Variants in PANK2 observed in about 807,000 individuals in gnomAD.
PANK2 encodes the protein pantothenate kinase 2, mitochondrial.
In PANK2, 36 loss-of-function variants were observed where a neutral mutation model predicts 43.1. The observed-to-expected ratio is 0.84, with a 90% confidence interval of 0.64 to 1.10. PANK2 has a LOEUF of 1.10. PANK2 is among the 50% of genes least tolerant of loss of function. The pLI, the probability that PANK2 is intolerant of heterozygous loss-of-function variation, is 0.00. For missense variants in PANK2, 576 were observed against 593.3 expected, an observed-to-expected ratio of 0.97 and a Z score of 0.30; for synonymous variants, 281 against 238.2, an observed-to-expected ratio of 1.18 and a Z score of -1.66.
Position 3,907,951 on chromosome 20 carries a change from C to A in PANK2, c.324C>A (p.Ile108=). The A allele has an allele frequency of 6.2e-7, 1 of 1,614,112 alleles. No individual in the cohort carries two copies. The change falls in exon 2 of 7, where the codon ATC becomes ATA. Residue 108 remains isoleucine, a synonymous_variant. Coordinates refer to ENST00000610179, the MANE Select transcript of PANK2 (RefSeq NM_001386393.1). The stretch of plus-strand genomic sequence containing the variant: ...TTTTTCCATGGTTTGGACTGGATAT[C>A]GGTGGAACTCTGGTCAAGCTGGTAT...
At chr20:3,907,214 G>C (rs1476468206) in intron 1 of PANK2, among the ~76,000 whole-genome samples, 1 of 148,370 alleles carries the variant, frequency 6.7e-6, no homozygotes, top group African/African-American at 2.5e-5. Flanking sequence ...AGCAGTTCTG[G>C]TTTAGATTTC....
intron 2 of PANK2, 83 bp from the exon 3 acceptor site, chr20:3,910,494 C>A: frequency 1.4e-6 from 2 of 1,463,960 alleles, no homozygotes; most frequent in Non-Finnish European, 1.9e-6. Flanking sequence ...GGTTGTTTCA[C>A]GTAGTGGGGA....
Position 3,923,796 on chromosome 20 carries a change from A to G in PANK2, c.*502A>G, listed in dbSNP as rs2090683533. 1 of 159,156 alleles carries G rather than the reference A, an allele frequency of 6.3e-6. No homozygotes were observed. Among genetic ancestry groups the G allele is most frequent in the Admixed American group, 6.0e-5 (1 of 16,646 alleles). The allele number at this position is 159,156 out of a possible 1,614,324, so 9.9% of individuals were successfully genotyped here. A position where few individuals can be genotyped will look rare whatever the true frequency, so the allele number is the denominator to read the frequency against. ...ACATGTTTTATTTCAAGGTTCTGCA[A>G]AATTAATTGGGCAGGTTAATTGTGT... On this transcript the variant is annotated 3_prime_UTR_variant, in exon 7 of 7. Transcript: ENST00000610179.
chr20:3,917,467 C>T (rs74679345), intron 5 of PANK2: 1 of 534,072 alleles, frequency 1.9e-6, no homozygotes, highest in South Asian at 1.4e-5. Flanking sequence ...CCCTCCTTGG[C>T]TCCCCCACCT....
chr20:3,917,595 G>A (rs1406559932), intron 5 of PANK2: 2 of 510,584 alleles, frequency 3.9e-6, no homozygotes, highest in South Asian at 2.8e-5. Flanking sequence ...CTTGGGAAAA[G>A]AGGATCTAGG....
At chr20:3,899,602 C>T (rs1028301290) in intron 1 of PANK2, among the ~76,000 whole-genome samples, 1 of 151,254 alleles carries the variant, frequency 6.6e-6, no homozygotes, top group African/African-American at 2.4e-5. Context: ...AGGTCTGTGT[C>T]ATTCTCATAC....
In PANK2 at chr20:3,889,833, C is replaced by T. The variant is rs752622202; in HGVS notation, c.298+105C>T. 1.6e-5 allele frequency: 25 copies of T among 1,533,910 alleles called. 1 individual carries two copies. The Middle Eastern group carries it at 5.1e-4, about 31-fold the overall frequency. ...CGTTTTTCCCGCGCGCGGACACTGT[C>T]CCCGCACGGTGGTCCCTCGTTGGTG... On this transcript the variant is annotated intron_variant, in intron 1 of 6. Transcript: ENST00000610179.
chr20:3,895,267 C>T (rs2090186580), intron 1 of PANK2, among the ~76,000 whole-genome samples: 1 of 151,824 alleles, frequency 6.6e-6, no homozygotes, highest in Non-Finnish European at 1.5e-5. Flanking sequence ...GGGCGAGACT[C>T]CATCTCAAAT....
chr20:3,896,920 C>T (rs1288150974), intron 1 of PANK2, among the ~76,000 whole-genome samples: 1 of 152,188 alleles, frequency 6.6e-6, no homozygotes, highest in Admixed American at 6.5e-5. Context: ...ATGCAAACTC[C>T]AACTTGAAGC....
Position 3,907,917 on chromosome 20 carries a change from C to G in PANK2, c.299-9C>G, listed in dbSNP as rs2090412291. 1.9e-6 allele frequency: 3 copies of G among 1,612,434 alleles called. No homozygotes were observed. On this transcript the variant is annotated splice_polypyrimidine_tract_variant and intron_variant, in intron 1 of 6. Coordinates refer to ENST00000610179, the MANE Select transcript of PANK2 (RefSeq NM_001386393.1). The stretch of plus-strand genomic sequence containing the variant: ...AAGCTGTTCTGACTTATTTTTCTTC[C>G]CCATTTAGTTTTTCCATGGTTTGGA...
At chr20:3,917,465 G>GGCTC (rs759053377) in intron 5 of PANK2, 2 of 534,176 alleles carry the variant, frequency 3.7e-6, no homozygotes, top group South Asian at 2.8e-5. Context: ...TGCCCTCCTT[G>GGCTC]GCTCCCCCAC....
chr20:3,905,350 C>CTTT (rs34914526), intron 1 of PANK2, among the ~76,000 whole-genome samples: 8 of 134,396 alleles, frequency 6.0e-5, no homozygotes, highest in African/African-American at 1.7e-4. Context: ...GCTGCTATCT[C>CTTT]TTTTTTTTTT....
intron 4 of PANK2, among the ~76,000 whole-genome samples, chr20:3,913,991 ATG>A (rs2090516752): frequency 6.6e-6 from 1 of 151,152 alleles, no homozygotes; most frequent in Non-Finnish European, 1.5e-5. Flanking sequence ...GGGTTTCACT[ATG>A]TTGGCCAGGA....
At chr20:3,913,751 T>G (rs1001223619) in intron 4 of PANK2, among the ~76,000 whole-genome samples, 3 of 147,346 alleles carry the variant, frequency 2.0e-5, no homozygotes, top group Admixed American at 7.1e-5. Flanking sequence ...TGTAAGTCTT[T>G]GTATGTATGC....
At chr20:3,904,868 A>T (rs1213344402) in intron 1 of PANK2, among the ~76,000 whole-genome samples, 1 of 152,168 alleles carries the variant, frequency 6.6e-6, no homozygotes, top group Non-Finnish European at 1.5e-5. Context: ...TGTAAAAGTG[A>T]TAATCTCTGG....
intron 1 of PANK2, among the ~76,000 whole-genome samples, chr20:3,902,222 G>C (rs535750276): frequency 6.6e-6 from 1 of 150,430 alleles, no homozygotes; most frequent in African/African-American, 2.4e-5. Flanking sequence ...GCTGGAGTGC[G>C]GTGGCATGGT....
At position 3,889,403 on chromosome 20, in the gene PANK2, C is replaced by A. The variant is rs544239478; in HGVS notation, c.-28C>A. ...CGCGCCTCTGCTCTGGCTGGACTGC[C>A]GCGGAGGAGGCGAGAAGGAATCCGA... is the stretch of plus-strand genomic sequence containing the variant. On this transcript the variant is annotated 5_prime_UTR_variant, in exon 1 of 7. Transcript: ENST00000610179. The A allele has an allele frequency of 3.8e-6, 6 of 1,572,444 alleles. No homozygotes were observed. Among genetic ancestry groups the A allele is most frequent in the East Asian group, 2.3e-5 (1 of 42,790 alleles).
intron 1 of PANK2, among the ~76,000 whole-genome samples, chr20:3,898,885 T>C (rs942483708): frequency 3.9e-5 from 6 of 151,906 alleles, no homozygotes; most frequent in African/African-American, 1.2e-4. Flanking sequence ...TTTTTTTGTT[T>C]GTTTGTTTTG....
At chr20:3,916,262 G>T (rs914317753) in intron 4 of PANK2, among the ~76,000 whole-genome samples, 1 of 152,068 alleles carries the variant, frequency 6.6e-6, no homozygotes, top group Non-Finnish European at 1.5e-5. Context: ...ATTGTTTTTC[G>T]TATATTGGGG....
Sources: gnomAD v4.1 joint callset for allele counts (sites outside exome capture counted in the v4.1 genomes callset) on GRCh38, gnomAD v4.1.1 for gene constraint, MANE v1.5 for transcripts, NCBI Gene and HGNC (gene_info 2026-07-23, HGNC 2026-07-21) for gene names.